Variants in DLC1 observed in about 807,000 individuals in gnomAD.
DLC1 encodes the protein DLC1 Rho GTPase activating protein.
In DLC1, 54 loss-of-function variants were observed where a neutral mutation model predicts 140.3. The ratio of observed to expected loss-of-function variants is 0.38; its 90% CI spans 0.31 to 0.48. The LOEUF (loss-of-function observed/expected upper bound fraction) is 0.48, where lower values mean the gene tolerates loss of function less well. DLC1 is among the 20% of genes least tolerant of loss of function. The pLI is 0.96. For missense variants in DLC1, 2,536 were observed against 1,907.0 expected (o/e 1.33, Z -6.14); for synonymous variants, 986 against 728.1 (o/e 1.35, Z -5.70).
intron 2 of DLC1, among the ~76,000 whole-genome samples, chr8:13,429,577 C>A (rs1235283665): frequency 1.3e-5 from 2 of 152,176 alleles, no homozygotes; most frequent in Admixed American, 1.3e-4. Flanking sequence ...CATTGAGCTT[C>A]CTAGCAGTGA....
At chr8:13,114,489 G>C (rs1820377072) in intron 6 of DLC1, among the ~76,000 whole-genome samples, 1 of 152,092 alleles carries the variant, frequency 6.6e-6, no homozygotes, top group Non-Finnish European at 1.5e-5. Context: ...GCACTGATAA[G>C]AAAATGAGAT....
At chr8:13,137,728 G>C (rs1437533350) in intron 5 of DLC1, among the ~76,000 whole-genome samples, 1 of 151,026 alleles carries the variant, frequency 6.6e-6, no homozygotes, top group Non-Finnish European at 1.5e-5. Flanking sequence ...CTCCCACATA[G>C]CTGGGACTAC....
At chr8:13,603,789 C>T (rs1327053606) in intron 1 of DLC1, among the ~76,000 whole-genome samples, 1 of 152,066 alleles carries the variant, frequency 6.6e-6, no homozygotes, top group Non-Finnish European at 1.5e-5. Flanking sequence ...GGTATCTGTT[C>T]ATTCAATTAA....
intron 5 of DLC1, among the ~76,000 whole-genome samples, chr8:13,207,174 C>G (rs891155081): frequency 6.6e-6 from 1 of 152,062 alleles, no homozygotes; most frequent in African/African-American, 2.4e-5. Context: ...GTTTTCCAAT[C>G]AATTAAAATT....
At chr8:13,211,404 G>A (rs1210913480) in intron 5 of DLC1, among the ~76,000 whole-genome samples, 4 of 151,958 alleles carry the variant, frequency 2.6e-5, no homozygotes, top group East Asian at 3.9e-4. Context: ...ATGGAACACC[G>A]TTTTGCTGTA....
chr8:13,598,173 A>G (rs1306232670), intron 1 of DLC1, among the ~76,000 whole-genome samples: 2 of 152,158 alleles, frequency 1.3e-5, no homozygotes, highest in Non-Finnish European at 2.9e-5. Flanking sequence ...AAAGTAAAAA[A>G]GATTTTTGAA....
intron 4 of DLC1, among the ~76,000 whole-genome samples, chr8:13,374,162 G>T (rs1015253373): frequency 6.6e-6 from 1 of 152,144 alleles, no homozygotes; most frequent in Non-Finnish European, 1.5e-5. Flanking sequence ...CTTGAAATAG[G>T]TCTCAGAATA....
chr8:13,427,786 A>T (rs1317312939), intron 2 of DLC1, among the ~76,000 whole-genome samples: 1 of 152,194 alleles, frequency 6.6e-6, no homozygotes, highest in Non-Finnish European at 1.5e-5. Context: ...TTAAACCTTT[A>T]CATTGCATGC....
At chr8:13,331,050 C>G (rs1833565502) in intron 4 of DLC1, among the ~76,000 whole-genome samples, 1 of 152,180 alleles carries the variant, frequency 6.6e-6, no homozygotes, top group Non-Finnish European at 1.5e-5. Flanking sequence ...GAAAAGCTCA[C>G]TACCTTCTTT....
chr8:13,103,479 G>A (rs1203981963), intron 7 of DLC1, among the ~76,000 whole-genome samples: 1 of 151,948 alleles, frequency 6.6e-6, no homozygotes, highest in East Asian at 1.9e-4. Context: ...TTCTTACTAA[G>A]AAAAATCATT....
At chr8:13,262,582 T>C (rs190968226) in intron 5 of DLC1, among the ~76,000 whole-genome samples, 1 of 152,278 alleles carries the variant, frequency 6.6e-6, no homozygotes, top group Admixed American at 6.5e-5. Context: ...TATTTAGAGA[T>C]GAGGCCTTGT....
intron 5 of DLC1, among the ~76,000 whole-genome samples, chr8:13,165,103 A>G (rs939568841): frequency 6.6e-5 from 10 of 152,202 alleles, no homozygotes; most frequent in African/African-American, 2.4e-4. Context: ...CATGCTACCT[A>G]GTGACATTTT....
intron 5 of DLC1, among the ~76,000 whole-genome samples, chr8:13,296,011 A>T (rs1399240519): frequency 8.6e-6 from 1 of 116,762 alleles, no homozygotes; most frequent in East Asian, 2.8e-4. Context: ...GGAGTGCAGT[A>T]GGGCGATCTT....
intron 5 of DLC1, among the ~76,000 whole-genome samples, chr8:13,179,213 A>C (rs1585850586): frequency 2.6e-5 from 4 of 152,128 alleles, no homozygotes; most frequent in African/African-American, 2.4e-5. Flanking sequence ...AAGCAGAACG[A>C]ATCTCTTCTG....
chr8:13,227,688 T>TA (rs1432840392), intron 5 of DLC1, among the ~76,000 whole-genome samples: 1 of 152,314 alleles, frequency 6.6e-6, no homozygotes, highest in East Asian at 1.9e-4. Flanking sequence ...GGGTTAGACA[T>TA]ACGTGTTGCA....
chr8:13,425,021 CT>C (rs200151655), intron 2 of DLC1, among the ~76,000 whole-genome samples: 4 of 151,578 alleles, frequency 2.6e-5, no homozygotes, highest in Non-Finnish European at 2.9e-5. Flanking sequence ...AATTCTATGA[CT>C]TTTTTTTCAC....
At chr8:13,090,182 C>A in intron 15 of DLC1, 70 bp downstream of exon 15, 1 of 1,449,058 alleles carries the variant, frequency 6.9e-7, no homozygotes, top group Admixed American at 1.9e-5. Flanking sequence ...TTGGCAAAAG[C>A]GTGTTATCTC....
Position 13,304,703 on chromosome 8 carries a change from C to A in DLC1, c.1348+566G>T, listed in dbSNP as rs923388007. 4.2e-6 allele frequency: 4 copies of A among 961,150 alleles called. No individual in the cohort carries two copies. In the African/African-American group the frequency reaches 7.1e-5, roughly 17 times the overall value. The allele number at this position is 961,150 out of a possible 1,614,324, so 59.5% of individuals were successfully genotyped here. On this transcript the variant is annotated intron_variant, in intron 5 of 17. Transcript: ENST00000276297. ...TTTAAAAACACATAGATCTACCAATCCATGTCTAATTTTTCATATTTTCAT... is the reference window on the plus strand; with the variant it reads ...TTTAAAAACACATAGATCTACCAATACATGTCTAATTTTTCATATTTTCAT...
At chr8:13,224,181 T>C (rs1450669927) in intron 5 of DLC1, among the ~76,000 whole-genome samples, 3 of 152,228 alleles carry the variant, frequency 2.0e-5, no homozygotes, top group Non-Finnish European at 2.9e-5. Context: ...TTTACCCACA[T>C]GAGGCTACTG....
Sources: gnomAD v4.1 joint callset for allele counts (sites outside exome capture counted in the v4.1 genomes callset) on GRCh38, gnomAD v4.1.1 for gene constraint, MANE v1.5 for transcripts, NCBI Gene and HGNC (gene_info 2026-07-23, HGNC 2026-07-21) for gene names.